Variants in SLC22A16 observed in about 807,000 individuals in gnomAD.
SLC22A16 encodes the protein WUGSC:RG331P03.1.
Under a neutral mutation model 52.9 loss-of-function variants are expected in SLC22A16, and 53 were observed. The observed-to-expected ratio is 1.00, with a 90% CI of 0.80 to 1.26. The LOEUF (loss-of-function observed/expected upper bound fraction) is 1.26, where lower values mean the gene tolerates loss of function less well. SLC22A16 is among the 50% of genes most tolerant of loss of function. The probability of loss-of-function intolerance (pLI) is 0.00; values close to 1 mark genes in which losing one functional copy is unlikely to be tolerated. For synonymous variants in SLC22A16, 291 were observed against 268.8 expected, an observed-to-expected ratio of 1.08 and a Z score of -0.81; for missense variants, 726 against 704.0, an observed-to-expected ratio of 1.03 and a Z score of -0.35.
rs776355762 is a variant in SLC22A16, at chr6:110,435,914, G to A, written c.1359C>T (p.Ala453=). 6.2e-7 allele frequency: 1 copy of A among 1,613,930 alleles called. No individual in the cohort carries two copies. Among genetic ancestry groups the A allele is most frequent in the Non-Finnish European group, 8.5e-7 (1 of 1,179,944 alleles). The stretch of plus-strand genomic sequence containing the variant: ...AAATGAGGCCAAATGCTGCCCCGAT[G>A]GCAAATTTTCCAACCATAGCTGTCA... ...GVVTAMVGKF[A]IGAAFGLIYL... is the part of the protein sequence containing the mutation. The change falls in exon 6 of 8, where the codon GCC becomes GCT. Residue 453 remains alanine, a synonymous_variant. Transcript: ENST00000368919.
intron 1 of SLC22A16, among the ~76,000 whole-genome samples, chr6:110,459,706 A>T (rs12193399): frequency 0.071 from 10,736 of 152,262 alleles, 633 homozygotes; most frequent in African/African-American, 0.16. Context: ...TAAGATGTTA[A>T]CAATAGGGGA....
At chr6:110,463,514 T>TAGAAAA (rs1775960317) in intron 1 of SLC22A16, among the ~76,000 whole-genome samples, 1 of 53,270 alleles carries the variant, frequency 1.9e-5, no homozygotes, top group Non-Finnish European at 3.2e-5. Context: ...GTAACAACAG[T>TAGAAAA]AAAAAAAAAA....
intron 1 of SLC22A16, among the ~76,000 whole-genome samples, chr6:110,469,977 G>T (rs1436081952): frequency 6.6e-6 from 1 of 152,208 alleles, no homozygotes; most frequent in East Asian, 1.9e-4. Flanking sequence ...CAGGAGACTG[G>T]TTAAAGAAAT....
At chr6:110,427,499 T>C (rs1774313417) in intron 7 of SLC22A16, among the ~76,000 whole-genome samples, 1 of 152,166 alleles carries the variant, frequency 6.6e-6, no homozygotes, top group Non-Finnish European at 1.5e-5. Flanking sequence ...GAACAGCGCC[T>C]GGCTGCAGTA....
intron 1 of SLC22A16, chr6:110,476,016 T>C (rs1776457550): frequency 4.4e-6 from 2 of 455,410 alleles, no homozygotes; most frequent in Admixed American, 2.4e-5. Flanking sequence ...TGGCACGTAT[T>C]AGGTTTTAAT....
intron 2 of SLC22A16, 123 bp downstream of exon 2, chr6:110,456,415 G>T: frequency 8.5e-7 from 1 of 1,174,896 alleles, no homozygotes; most frequent in African/African-American, 1.5e-5. Context: ...CAGCAAAGAG[G>T]TAGGTATTTA....
In SLC22A16 at chr6:110,442,721, T is replaced by A; in HGVS notation, c.706A>T (p.Met236Leu). Reference protein sequence around the residue: ...GFVYVMEFIGMKSRTWASVHL... With the variant: ...GFVYVMEFIGLKSRTWASVHL... Reference sequence around the variant, plus strand: ...ACAGACGCCCATGTCCGAGACTTCATGCCAATGAATTCCATCACATAGACA... The same window carrying A: ...ACAGACGCCCATGTCCGAGACTTCAAGCCAATGAATTCCATCACATAGACA... Residue 236 changes from methionine (M) to leucine (L), a missense_variant, in exon 4 of 8, where the codon ATG becomes TTG. Coordinates refer to ENST00000368919, the MANE Select transcript of SLC22A16 (RefSeq NM_033125.4). 6.2e-7 allele frequency: 1 copy of A among 1,614,154 alleles called. No homozygotes were observed. Among genetic ancestry groups the A allele is most frequent in the African/African-American group, 1.3e-5 (1 of 75,042 alleles).
At chr6:110,463,205 C>A (rs1335890555) in intron 1 of SLC22A16, among the ~76,000 whole-genome samples, 1 of 152,000 alleles carries the variant, frequency 6.6e-6, no homozygotes, top group Non-Finnish European at 1.5e-5. Flanking sequence ...TCCCATAAAG[C>A]AATTACACAA....
At chr6:110,458,351 C>A (rs766701722) in intron 1 of SLC22A16, among the ~76,000 whole-genome samples, 54 of 152,282 alleles carry the variant, frequency 3.5e-4, no homozygotes, top group Non-Finnish European at 1.5e-4. Flanking sequence ...GTAGGGGTCC[C>A]CCAGGCCCAG....
intron 2 of SLC22A16, among the ~76,000 whole-genome samples, chr6:110,449,295 C>T (rs573242685): frequency 1.3e-5 from 2 of 152,006 alleles, no homozygotes; most frequent in South Asian, 4.2e-4. Flanking sequence ...TGATGACCCG[C>T]CTGCCTCAAA....
chr6:110,459,553 T>C (rs1181440258), intron 1 of SLC22A16, among the ~76,000 whole-genome samples: 1 of 152,162 alleles, frequency 6.6e-6, no homozygotes, highest in Non-Finnish European at 1.5e-5. Flanking sequence ...TACAGACAAT[T>C]AAATGCAGTG....
chr6:110,459,176 G>A (rs1775776748), intron 1 of SLC22A16, among the ~76,000 whole-genome samples: 1 of 152,182 alleles, frequency 6.6e-6, no homozygotes, highest in African/African-American at 2.4e-5. Context: ...TCTCCAGGAA[G>A]TAGAGTTTAA....
At chr6:110,455,641 A>G in intron 2 of SLC22A16, 1 of 152,302 alleles carries the variant, frequency 6.6e-6, no homozygotes, top group Middle Eastern at 3.4e-3. Flanking sequence ...ATTCATTTTA[A>G]TGTAAATTTT....
chr6:110,446,921 A>G lies in SLC22A16; in HGVS notation c.603T>C (p.Phe201=), dbSNP rs374939277. ...SMFLFGIAAA[F]AVDYYTFMAA... is the part of the protein sequence containing the mutation. Reference sequence around the variant, plus strand: ...CCATGAAGGTGTAATAATCAACTGCAAACGCCGCTGCTATTCCAAACAAAA... The same window carrying G: ...CCATGAAGGTGTAATAATCAACTGCGAACGCCGCTGCTATTCCAAACAAAA... The change falls in exon 3 of 8, where the codon TTT becomes TTC. Residue 201 remains phenylalanine, a synonymous_variant. Coordinates refer to ENST00000368919, the MANE Select transcript of SLC22A16 (RefSeq NM_033125.4). 11 of 1,613,872 alleles carry G rather than the reference A, an allele frequency of 6.8e-6. No individual in the cohort carries two copies. The African/African-American group carries it at 1.3e-4, about 20-fold the overall frequency.
intron 2 of SLC22A16, chr6:110,453,616 A>G (rs1285949448): frequency 4.4e-6 from 2 of 456,038 alleles, no homozygotes; most frequent in African/African-American, 2.0e-5. Flanking sequence ...CACTTCACAG[A>G]TAGTGGGTTG....
intron 1 of SLC22A16, among the ~76,000 whole-genome samples, chr6:110,473,491 C>CA (rs1776334408): frequency 2.8e-5 from 2 of 71,948 alleles, no homozygotes; most frequent in Admixed American, 4.1e-4. Flanking sequence ...CCTGTTTTCC[C>CA]TTTTTTTTTT....
Position 110,441,019 on chromosome 6 carries a change from T to A in SLC22A16, c.1183+1225A>T, listed in dbSNP as rs989934429. Among the ~76,000 whole-genome samples the A allele has an allele frequency of 3.9e-5, 6 of 152,192 alleles. No individual in the cohort carries two copies. In the East Asian group the frequency reaches 1.2e-3, roughly 29 times the overall value. ...TTATGGTGAAGCTTGGGTGGAAGAA[T>A]GGTGAAATCATTGATGCTTTATGAA... On this transcript the variant is annotated intron_variant, in intron 4 of 7. Coordinates refer to ENST00000368919, the MANE Select transcript of SLC22A16 (RefSeq NM_033125.4).
chr6:110,454,621 AATATATAT>A (rs1562292307), intron 2 of SLC22A16, among the ~76,000 whole-genome samples: 1,631 of 54,454 alleles, frequency 0.03, 24 homozygotes, highest in Non-Finnish European at 0.039. Flanking sequence ...TTTTATATAT[AATATATAT>A]TTATATATAT....
chr6:110,445,800 G>A (rs747895390), intron 3 of SLC22A16, among the ~76,000 whole-genome samples: 11 of 152,078 alleles, frequency 7.2e-5, no homozygotes, highest in African/African-American at 2.2e-4. Flanking sequence ...GGTTTCTCTC[G>A]TGAAATCTCA....
Sources: allele counts gnomAD v4.1 joint callset (sites outside exome capture counted in the v4.1 genomes callset), GRCh38; gene constraint gnomAD v4.1.1; transcripts MANE v1.5; gene names NCBI Gene and HGNC (gene_info 2026-07-23, HGNC 2026-07-21).